Variants in SLC19A1 observed in about 807,000 individuals in gnomAD.
The protein encoded by SLC19A1 is reduced folate transporter.
A neutral mutation model predicts 35.3 loss-of-function variants in SLC19A1; 37 were observed. That is an observed-to-expected ratio of 1.05 (90% CI 0.81 to 1.38). The LOEUF is 1.38. SLC19A1 is among the 40% of genes most tolerant of loss of function. The pLI is 0.00. For synonymous variants in SLC19A1, 460 were observed against 398.5 expected, an observed-to-expected ratio of 1.15 and a Z score of -1.84; for missense variants, 831 against 826.9, an observed-to-expected ratio of 1.00 and a Z score of -0.06.
intron 3 of SLC19A1, chr21:45,504,369 C>G (rs1277486440): frequency 2.0e-5 from 32 of 1,590,010 alleles, no homozygotes; most frequent in Non-Finnish European, 2.7e-5. Flanking sequence ...CCACCTGTGG[C>G]TTGTAGGGGT....
At chr21:45,510,048 G>A (rs778766804), downstream of SLC19A1, 40 of 1,546,448 alleles carry the variant, frequency 2.6e-5, no homozygotes, top group African/African-American at 1.5e-4. Context: ...CCCGTGACGC[G>A]CCCCTCTCCC....
At chr21:45,518,349 G>A (rs1475616192) in intron 5 of SLC19A1, among the ~76,000 whole-genome samples, 1 of 152,046 alleles carries the variant, frequency 6.6e-6, no homozygotes, top group Non-Finnish European at 1.5e-5. Flanking sequence ...AATGAACAAA[G>A]CCTCATTCCT....
Position 45,517,979 on chromosome 21 carries a change from T to TA in SLC19A1, c.1294-1840dup, listed in dbSNP as rs1383594279. ...CATACCCAAAATGCTTGCATCTCAC[T>TA]AAAAAATCCCTTGGCACACTAAACC... On this transcript the variant is annotated intron_variant, in intron 5 of 5. Coordinates refer to ENST00000311124, the MANE Select transcript of SLC19A1 (RefSeq NM_194255.4). The surrounding 1 kb of genome is among the most constrained non-coding windows in gnomAD (Gnocchi z 4.4). Among the ~76,000 whole-genome samples, 2 of 152,112 alleles carry TA rather than the reference T, an allele frequency of 1.3e-5. No individual in the cohort carries two copies. Among genetic ancestry groups the TA allele is most frequent in the Non-Finnish European group, 2.9e-5 (2 of 68,020 alleles).
rs574929353 is a variant in SLC19A1, at chr21:45,534,255, G to A, written c.190-2107C>T. Among the ~76,000 whole-genome samples, 27 of 152,262 alleles carry A rather than the reference G, an allele frequency of 1.8e-4. No individual in the cohort carries two copies. Among genetic ancestry groups the A allele is most frequent in the Middle Eastern group, 3.4e-3 (1 of 294 alleles). ...TGTGGGCAAGCTCTCCTGGCTGATG[G>A]CCTGCTCGACTGGGGGAGGCTCCTC... is the stretch of plus-strand genomic sequence containing the variant. On this transcript the variant is annotated intron_variant, in intron 2 of 5. Transcript: ENST00000311124. The surrounding 1 kb of genome is among the most constrained non-coding windows in gnomAD (Gnocchi z 4.2).
At chr21:45,516,198 C>T in intron 5 of SLC19A1, 58 bp from the exon 6 acceptor site, 3 of 1,377,158 alleles carry the variant, frequency 2.2e-6, no homozygotes, top group Non-Finnish European at 3.0e-6. Flanking sequence ...CACTGGCACC[C>T]TACACCCCGA....
In SLC19A1 at chr21:45,530,880, C is replaced by T. The variant is rs2077856092; in HGVS notation, c.1041G>A (p.Ala347=). Reference sequence around the variant, plus strand: ...TGTGCGCCAGAAGGAAGACCAGCCCCGCCTGCGTGGCCGTGACGCCCGCGA... The same window carrying T: ...TGTGCGCCAGAAGGAAGACCAGCCCTGCCTGCGTGGCCGTGACGCCCGCGA... The part of the protein sequence containing the change: ...LLIAGVTATQ[A]GLVFLLAHTR... Residue 347 remains alanine, a synonymous_variant, in exon 4 of 6, where the codon GCG becomes GCA. Coordinates refer to ENST00000311124, the MANE Select transcript of SLC19A1 (RefSeq NM_194255.4). This position sits in a 1 kb window ranked among gnomAD's most constrained non-coding sequence, Gnocchi z 5.3. The T allele has an allele frequency of 8.8e-6, 13 of 1,484,944 alleles. No homozygotes were observed. Among genetic ancestry groups the T allele is most frequent in the African/African-American group, 4.4e-5 (3 of 68,250 alleles). The allele number at this position is 1,484,944 out of a possible 1,614,324, so 92.0% of individuals were successfully genotyped here.
Position 45,537,961 on chromosome 21 carries a change from C to T in SLC19A1, c.-2G>A. 6.4e-7 allele frequency: 1 copy of T among 1,553,270 alleles called. No individual in the cohort carries two copies. Among genetic ancestry groups the T allele is most frequent in the African/African-American group, 1.3e-5 (1 of 74,170 alleles). On this transcript the variant is annotated 5_prime_UTR_variant, in exon 2 of 6. Coordinates refer to ENST00000311124, the MANE Select transcript of SLC19A1 (RefSeq NM_194255.4). ...CACCGCTGGGCTGGAGGGCACCATC[C>T]TGCTCAGGCCACGTGCAGCTCCGGA...
rs2146080921 is a variant in SLC19A1 at position 45,505,186 on chromosome 21, G to A, written c.498-6574C>T. ...CAGCCCGGCCCACCTGGACCTCAGG[G>A]ACCCCCCGGCATCGGCTACGAGGGG... On this transcript the variant is annotated intron_variant, in intron 3 of 4. Coordinates refer to the SLC19A1 transcript ENST00000417954. 1 of 1,605,862 alleles carries A rather than the reference G, an allele frequency of 6.2e-7. No individual in the cohort carries two copies. Among genetic ancestry groups the A allele is most frequent in the South Asian group, 1.1e-5 (1 of 90,182 alleles).
chr21:45,502,707 G>A (rs1019010089), intron 3 of SLC19A1: 8 of 152,206 alleles, frequency 5.3e-5, no homozygotes, highest in Non-Finnish European at 1.0e-4. Context: ...GAGCCACCTG[G>A]AACTGCCACA....
chr21:45,505,416 G>A, intron 3 of SLC19A1: 1 of 1,563,270 alleles, frequency 6.4e-7, no homozygotes, highest in Non-Finnish European at 8.7e-7. Flanking sequence ...CTGGAACCAT[G>A]GGCGCCTCCT....
downstream of SLC19A1, chr21:45,510,229 G>A (rs778532799): frequency 1.2e-4 from 194 of 1,606,184 alleles, no homozygotes; most frequent in Admixed American, 2.9e-4. Flanking sequence ...GCGCCGTGCC[G>A]ACCGCGCAGC....
chr21:45,539,011 TCAC>T (rs2078222511), intron 1 of SLC19A1, among the ~76,000 whole-genome samples: 1 of 152,196 alleles, frequency 6.6e-6, no homozygotes, highest in South Asian at 2.1e-4. Context: ...AGGGCACGTC[TCAC>T]CACCACAAAT....
chr21:45,512,300 C>G (rs899036619), downstream of SLC19A1: 3 of 1,612,244 alleles, frequency 1.9e-6, no homozygotes, highest in Admixed American at 3.3e-5. Flanking sequence ...GGCCTCCTCG[C>G]TGCTGGGGGG....
At chr21:45,546,708 T>C (rs1439594037), upstream of SLC19A1, among the ~76,000 whole-genome samples, 1 of 152,164 alleles carries the variant, frequency 6.6e-6, no homozygotes, top group South Asian at 2.1e-4. Context: ...AGTGGAAATC[T>C]GGCCTACTGC....
rs1028874244 is a variant in SLC19A1, at chr21:45,531,942, C to T, written c.396G>A (p.Ala132=). The T allele has an allele frequency of 3.1e-6, 5 of 1,603,718 alleles. No individual in the cohort carries two copies. The African/African-American group carries it at 5.4e-5, about 17-fold the overall frequency. ...MELFYSVTMA[A]RIAYSSYIFS... is the part of the protein sequence containing the mutation. ...AGATGTAGGAGGAATAGGCGATGCG[C>T]GCGGCCATGGTGACGCTGTAGAAGA... Residue 132 remains alanine (A), a synonymous_variant, in exon 3 of 6, where the codon GCG becomes GCA. Transcript: ENST00000311124.
Position 45,515,943 on chromosome 21 carries a change from G to C in SLC19A1, c.1491C>G (p.Ala497=), listed in dbSNP as rs2037904170. Residue 497 remains alanine (A), a synonymous_variant, in exon 6 of 6, where the codon GCC becomes GCG. Coordinates refer to ENST00000311124, the MANE Select transcript of SLC19A1 (RefSeq NM_194255.4). The part of the protein sequence containing the change: ...QDKGLGGLQP[A]QSPPLSPEDS... The stretch of plus-strand genomic sequence containing the variant: ...CTTCTGGGGAAAGCGGCGGGCTCTG[G>C]GCTGGCTGCAGGCCTCCGAGGCCCT... 1.3e-6 allele frequency: 2 copies of C among 1,539,478 alleles called. No homozygotes were observed. The highest frequency in any genetic ancestry group is 1.8e-6 in the Non-Finnish European group (2 of 1,142,558).
At chr21:45,522,992 A>C (rs2077481860) in intron 5 of SLC19A1, among the ~76,000 whole-genome samples, 1 of 152,130 alleles carries the variant, frequency 6.6e-6, no homozygotes, top group South Asian at 2.1e-4. Context: ...GGGTACATGG[A>C]TCTCCCTGTA....
intron 5 of SLC19A1, among the ~76,000 whole-genome samples, chr21:45,516,753 C>T (rs930598443): frequency 4.3e-4 from 65 of 152,286 alleles, no homozygotes; most frequent in African/African-American, 1.5e-3. Flanking sequence ...GGGACCTGAT[C>T]ATTCCCGGAG....
upstream of SLC19A1, among the ~76,000 whole-genome samples, chr21:45,549,122 G>C (rs1028181295): frequency 2.0e-5 from 3 of 152,192 alleles, no homozygotes; most frequent in Non-Finnish European, 4.4e-5. Context: ...CTAAAAACTG[G>C]CAACAACCCG....
Sources: allele counts gnomAD v4.1 joint callset (sites outside exome capture counted in the v4.1 genomes callset), GRCh38; gene constraint gnomAD v4.1.1; non-coding constraint Gnocchi (gnomAD v3.1); transcripts MANE v1.5; gene names NCBI Gene and HGNC (gene_info 2026-07-23, HGNC 2026-07-21).